The following U2SURP variants were observed in gnomAD, a reference collection of about 807,000 sequenced individuals.
The protein encoded by U2SURP is U2 snRNP associated SURP domain containing.
U2SURP carries 9 observed loss-of-function variants against 144.9 expected under a neutral mutation model. The observed-to-expected ratio is 0.06, with a 90% confidence interval of 0.04 to 0.11. The LOEUF is 0.11. Among genes scored for constraint, U2SURP ranks in the 10% least tolerant of loss-of-function variants. The pLI, the probability that U2SURP is intolerant of heterozygous loss-of-function variation, is 1.00. For synonymous variants in U2SURP, 408 were observed against 396.8 expected (o/e 1.03, Z -0.33); for missense variants, 724 against 1,226.7 (o/e 0.59, Z 6.12).
intron 25 of U2SURP, among the ~76,000 whole-genome samples, chr3:143,051,381 A>G (rs1560207349): frequency 6.6e-6 from 1 of 152,164 alleles, no homozygotes; most frequent in Non-Finnish European, 1.5e-5. Flanking sequence ...GAGGTAGTAC[A>G]GAAAGAAAAA....
At chr3:143,019,813 A>G (rs927572181) in intron 6 of U2SURP, among the ~76,000 whole-genome samples, 156 bp from the exon 7 acceptor site, 1 of 152,206 alleles carries the variant, frequency 6.6e-6, no homozygotes, top group African/African-American at 2.4e-5. Flanking sequence ...AGGAAGGGGA[A>G]GGGAGGTTCA....
chr3:143,035,896 C>T lies in U2SURP; in HGVS notation c.1942-86C>T, dbSNP rs139495785. ...AACATCAGTTTAAAGGCAAATTTAG[C>T]AAATCTTGATGATCATTCTCATGAA... On this transcript the variant is annotated intron_variant, in intron 19 of 27. Coordinates refer to ENST00000473835, the MANE Select transcript of U2SURP (RefSeq NM_001080415.2). 3.9e-5 allele frequency: 54 copies of T among 1,391,836 alleles called. No homozygotes were observed. The African/African-American group carries it at 6.9e-4, about 18-fold the overall frequency. The allele number at this position is 1,391,836 out of a possible 1,614,324, so 86.2% of individuals were successfully genotyped here. A position where few individuals can be genotyped will look rare whatever the true frequency, so the allele number is the denominator to read the frequency against.
intron 24 of U2SURP, among the ~76,000 whole-genome samples, chr3:143,049,746 A>C (rs1380644651): frequency 6.6e-6 from 1 of 152,200 alleles, no homozygotes; most frequent in South Asian, 2.1e-4. Context: ...TAAATTCAAA[A>C]TAAATCATGA....
chr3:143,001,617 G>A lies in U2SURP; in HGVS notation c.-12G>A. On this transcript the variant is annotated 5_prime_UTR_variant, in exon 1 of 28. Transcript: ENST00000473835. ...TGCTGCTGCCGCCGCCGAAGGAGGG[G>A]CAAAGCTCAAGATGGCGGACAAAAC... The A allele has an allele frequency of 6.2e-7, 1 of 1,613,900 alleles. No individual in the cohort carries two copies. The highest frequency in any genetic ancestry group is 8.5e-7 in the Non-Finnish European group (1 of 1,179,858).
In U2SURP at chr3:143,052,488, C is replaced by T. The variant is rs545512671; in HGVS notation, c.2656-1188C>T. Among the ~76,000 whole-genome samples, 197 of 152,324 alleles carry T rather than the reference C, an allele frequency of 1.3e-3. 1 individual carries two copies. Among genetic ancestry groups the T allele is most frequent in the African/African-American group, 4.5e-3 (189 of 41,566 alleles). ...TTCTGATGGTAGCAAGCACAAAATA[C>T]ATAATATTTGTGTTACCACTTTAGT... On this transcript the variant is annotated intron_variant, in intron 25 of 27. Coordinates refer to ENST00000473835, the MANE Select transcript of U2SURP (RefSeq NM_001080415.2).
In U2SURP at chr3:143,023,227, A is replaced by G. The variant is rs1015073432; in HGVS notation, c.1230+163A>G. 11 of 569,064 alleles carry G rather than the reference A, an allele frequency of 1.9e-5. No individual in the cohort carries two copies. In the East Asian group the frequency reaches 2.8e-4, roughly 15 times the overall value. The allele number at this position is 569,064 out of a possible 1,614,324, so 35.3% of individuals were successfully genotyped here. On this transcript the variant is annotated intron_variant, in intron 12 of 27. Coordinates refer to ENST00000473835, the MANE Select transcript of U2SURP (RefSeq NM_001080415.2). Reference sequence around the variant, plus strand: ...CCCTGCCTTAGCCCATGGAAACCCTATATTTGAAATACTAGGTCATATTTT... The same window carrying G: ...CCCTGCCTTAGCCCATGGAAACCCTGTATTTGAAATACTAGGTCATATTTT...
chr3:143,026,257 A>AAAATG (rs1376410343), intron 13 of U2SURP: 1 of 152,200 alleles, frequency 6.6e-6, no homozygotes, highest in Non-Finnish European at 1.5e-5. Context: ...TTCAGTCAAT[A>AAAATG]AAATGACTGT....
chr3:143,006,922 A>G (rs1935862340), intron 1 of U2SURP, among the ~76,000 whole-genome samples: 1 of 152,212 alleles, frequency 6.6e-6, no homozygotes, highest in African/African-American at 2.4e-5. Context: ...AGATACACGA[A>G]TGGAGAGCTC....
In U2SURP at chr3:143,026,858, A is replaced by C. The variant is rs182283967; in HGVS notation, c.1275-291A>C. The C allele has an allele frequency of 1.6e-3, 328 of 201,746 alleles. 3 individuals carry two copies. The highest frequency in any genetic ancestry group is 4.2e-3 in the Admixed American group (71 of 16,896). 12.5% of individuals were successfully genotyped at this position (201,746 alleles called of 1,614,324 possible). ...GTTGTGATTTATAATTTAATGTTTT[A>C]CTTTTGGAAAATAAGTGACATTTAG... is the stretch of plus-strand genomic sequence containing the variant. On this transcript the variant is annotated intron_variant, in intron 13 of 27. Coordinates refer to ENST00000473835, the MANE Select transcript of U2SURP (RefSeq NM_001080415.2).
intron 23 of U2SURP, 48 bp from the exon 24 acceptor site, chr3:143,043,069 T>C (rs1427664242): frequency 6.6e-7 from 1 of 1,507,976 alleles, no homozygotes; most frequent in Admixed American, 2.1e-5. Context: ...TAAAATATGG[T>C]ACTCTCTTGC....
chr3:143,047,900 C>T (rs544958920), intron 24 of U2SURP, among the ~76,000 whole-genome samples: 14 of 150,658 alleles, frequency 9.3e-5, no homozygotes, highest in African/African-American at 2.9e-4. Context: ...CAACCTCCCT[C>T]CCGGACGGGG....
chr3:143,041,896 G>GTA (rs934124382), intron 23 of U2SURP, among the ~76,000 whole-genome samples: 9 of 151,740 alleles, frequency 5.9e-5, no homozygotes, highest in African/African-American at 1.9e-4. Context: ...AATTTTGTTT[G>GTA]TATATATATA....
At chr3:143,024,537 A>C in intron 13 of U2SURP, 1 of 438,096 alleles carries the variant, frequency 2.3e-6, no homozygotes, top group Non-Finnish European at 4.5e-6. Context: ...CTTTCTTTTC[A>C]TGGTAACAAA....
intron 8 of U2SURP, among the ~76,000 whole-genome samples, chr3:143,021,134 T>C (rs567100554): frequency 1.3e-5 from 2 of 152,206 alleles, no homozygotes; most frequent in Admixed American, 6.5e-5. Flanking sequence ...GAGGTTGCAG[T>C]GAGCCGAGAA....
intron 8 of U2SURP, 126 bp downstream of exon 8, chr3:143,020,819 T>G: frequency 1.5e-6 from 1 of 659,214 alleles, no homozygotes. Context: ...TACTATCCTT[T>G]TCCTTACACA....
chr3:143,038,581 CACTT>C (rs1422180928), intron 22 of U2SURP, among the ~76,000 whole-genome samples: 1 of 152,028 alleles, frequency 6.6e-6, no homozygotes, highest in African/African-American at 2.4e-5. Flanking sequence ...CTGTCTTTCA[CACTT>C]ACTTAGACCT....
intron 22 of U2SURP, 45 bp downstream of exon 22, chr3:143,038,248 C>T (rs1228055856): frequency 1.5e-5 from 20 of 1,370,828 alleles, no homozygotes; most frequent in African/African-American, 3.0e-5. Flanking sequence ...AGTACTTGTA[C>T]GTTAATTATT....
At chr3:143,027,936 T>C (rs1195265800) in intron 14 of U2SURP, among the ~76,000 whole-genome samples, 1 of 152,186 alleles carries the variant, frequency 6.6e-6, no homozygotes, top group Non-Finnish European at 1.5e-5. Context: ...GTTGAACAAA[T>C]GAGTTTTAAA....
chr3:143,024,142 T>C, intron 13 of U2SURP, 124 bp downstream of exon 13: 1 of 834,796 alleles, frequency 1.2e-6, no homozygotes, highest in Non-Finnish European at 1.9e-6. Context: ...CCCAGTACTT[T>C]TTGCGGGGGG....
Sources: gnomAD v4.1 joint callset for allele counts (sites outside exome capture counted in the v4.1 genomes callset) on GRCh38, gnomAD v4.1.1 for gene constraint, MANE v1.5 for transcripts, NCBI Gene and HGNC (gene_info 2026-07-23, HGNC 2026-07-21) for gene names.